The following PRKACB variants were observed in gnomAD, a reference collection of about 807,000 sequenced individuals.
PRKACB encodes cAMP-dependent protein kinase catalytic subunit beta.
Under a neutral mutation model 51.4 loss-of-function variants are expected in PRKACB, and 16 were observed. That is an observed-to-expected ratio of 0.31 (90% CI 0.21 to 0.47). The LOEUF (loss-of-function observed/expected upper bound fraction) is 0.47. Among genes scored for constraint, PRKACB ranks in the 20% least tolerant of loss-of-function variants. PRKACB has a pLI of 1.00. For synonymous variants in PRKACB, 147 were observed against 154.4 expected (o/e 0.95, Z 0.35); for missense variants, 309 against 464.5 (o/e 0.67, Z 3.08).
Position 84,106,221 on chromosome 1 carries a change from G to A in PRKACB, c.46+27850G>A, listed in dbSNP as rs78121984. Among the ~76,000 whole-genome samples, 245 of 152,070 alleles carry A rather than the reference G, an allele frequency of 1.6e-3. 1 individual carries two copies. The highest frequency in any genetic ancestry group is 5.5e-3 in the African/African-American group (229 of 41,484). ...ATCCTGTTTAAAAGTATATGGGTGAGTTTCCTCCTAGTCAACATAGTGTTG... is the reference window on the plus strand; with the variant it reads ...ATCCTGTTTAAAAGTATATGGGTGAATTTCCTCCTAGTCAACATAGTGTTG... On this transcript the variant is annotated intron_variant, in intron 1 of 8. Coordinates refer to the PRKACB transcript ENST00000370688.
chr1:84,175,157 A>G, intron 1 of PRKACB: 1 of 1,085,490 alleles, frequency 9.2e-7, no homozygotes. Flanking sequence ...ATTTTTAAGT[A>G]TATCAAGTTA....
At chr1:84,234,223 CTCAGGGG>C (rs1168694322) in intron 9 of PRKACB, among the ~76,000 whole-genome samples, 1 of 152,232 alleles carries the variant, frequency 6.6e-6, no homozygotes, top group African/African-American at 2.4e-5. Flanking sequence ...AGTTAGGCTG[CTCAGGGG>C]TCAGGGGTCA....
At chr1:84,119,932 T>C (rs1184328774) in intron 1 of PRKACB, among the ~76,000 whole-genome samples, 3 of 152,100 alleles carry the variant, frequency 2.0e-5, no homozygotes, top group South Asian at 2.1e-4. Flanking sequence ...ATTGGAATAC[T>C]GAAGTCTTCT....
In PRKACB at chr1:84,106,899, A is replaced by G. The variant is rs183955152; in HGVS notation, c.46+28528A>G. Among the ~76,000 whole-genome samples the G allele has an allele frequency of 5.9e-5, 9 of 152,314 alleles. No individual in the cohort carries two copies. The East Asian group carries it at 1.7e-3, about 29-fold the overall frequency. ...CCAAAACAGCATAGTACTGGTATAA[A>G]AACAGACACATGGACCAATGGAACA... On this transcript the variant is annotated intron_variant, in intron 1 of 8. Coordinates refer to the PRKACB transcript ENST00000370688.
upstream of PRKACB, among the ~76,000 whole-genome samples, chr1:84,140,134 G>C (rs1653260193): frequency 6.6e-6 from 1 of 152,182 alleles, no homozygotes; most frequent in Non-Finnish European, 1.5e-5. Context: ...TGGTAATCAA[G>C]ACAGTATAGT....
intron 1 of PRKACB, among the ~76,000 whole-genome samples, chr1:84,174,316 T>G (rs1327392227): frequency 6.6e-6 from 1 of 151,878 alleles, no homozygotes; most frequent in Non-Finnish European, 1.5e-5. Context: ...AGAGGAATTC[T>G]TATCTTTCAA....
intron 7 of PRKACB, among the ~76,000 whole-genome samples, chr1:84,202,031 A>G (rs1188840272): frequency 2.0e-5 from 3 of 151,986 alleles, no homozygotes; most frequent in Admixed American, 1.3e-4. Context: ...CTGTGAATTC[A>G]TTTTTTTCCT....
intron 1 of PRKACB, among the ~76,000 whole-genome samples, chr1:84,106,486 G>A (rs1458362267): frequency 2.6e-5 from 4 of 152,054 alleles, no homozygotes; most frequent in Non-Finnish European, 5.9e-5. Flanking sequence ...AGCCGAATCA[G>A]GAATATAATC....
chr1:84,232,099 C>T (rs868565142), intron 9 of PRKACB, among the ~76,000 whole-genome samples: 31 of 151,978 alleles, frequency 2.0e-4, no homozygotes, highest in Middle Eastern at 6.8e-3. Context: ...TGAATGTGTC[C>T]CAGAGATTCT....
Position 84,095,350 on chromosome 1 carries a change from A to G in PRKACB, c.46+16979A>G, listed in dbSNP as rs577566890. 2.0e-4 allele frequency among the ~76,000 whole-genome samples: 30 copies of G among 150,598 alleles called. No homozygotes were observed. In the South Asian group the frequency reaches 4.2e-3, roughly 21 times the overall value. ...AGGTGTCCTAGTGATGAATTATGTC[A>G]GTTTTTATTTATCTGGATTTGTGTA... On this transcript the variant is annotated intron_variant, in intron 1 of 8. Coordinates refer to the PRKACB transcript ENST00000370688.
chr1:84,139,410 G>A (rs1325916504), upstream of PRKACB, among the ~76,000 whole-genome samples: 1 of 152,144 alleles, frequency 6.6e-6, no homozygotes, highest in African/African-American at 2.4e-5. Context: ...GCCATTGAAA[G>A]TAATGGTGAA....
At position 84,197,830 on chromosome 1, in the gene PRKACB, T is replaced by C; in HGVS notation, c.783+6T>C. On this transcript the variant is annotated splice_donor_region_variant and intron_variant, in intron 7 of 9. Transcript: ENST00000370685. ...CAGAAATAATTCTCAGCAAGGTATATTCATAATATCAACACATAAGAAGTA... is the reference window on the plus strand; with the variant it reads ...CAGAAATAATTCTCAGCAAGGTATACTCATAATATCAACACATAAGAAGTA... The C allele has an allele frequency of 3.2e-6, 5 of 1,575,500 alleles. No individual in the cohort carries two copies. Among genetic ancestry groups the C allele is most frequent in the Non-Finnish European group, 4.4e-6 (5 of 1,146,902 alleles).
chr1:84,109,117 T>C (rs1252687182), intron 1 of PRKACB, among the ~76,000 whole-genome samples: 1 of 152,008 alleles, frequency 6.6e-6, no homozygotes, highest in Admixed American at 6.6e-5. Context: ...AATGTTCCAT[T>C]GTGTGAATAT....
At chr1:84,215,913 T>G (rs1185090766) in intron 9 of PRKACB, among the ~76,000 whole-genome samples, 2 of 152,168 alleles carry the variant, frequency 1.3e-5, no homozygotes, top group Admixed American at 6.5e-5. Context: ...TTCTAATGTT[T>G]TAGAGACATG....
chr1:84,086,293 TC>T (rs1490008261), intron 1 of PRKACB: 6 of 1,062,726 alleles, frequency 5.6e-6, no homozygotes. Context: ...ACTTGGCCCT[TC>T]CTGCTGCCTC....
chr1:84,222,984 T>C (rs1673969130), intron 9 of PRKACB, among the ~76,000 whole-genome samples: 1 of 152,192 alleles, frequency 6.6e-6, no homozygotes, highest in Non-Finnish European at 1.5e-5. Flanking sequence ...GTAAAGTGTG[T>C]CTTGGAAAAG....
chr1:84,117,326 A>C (rs538348581), intron 1 of PRKACB, among the ~76,000 whole-genome samples: 2 of 152,218 alleles, frequency 1.3e-5, no homozygotes, highest in Admixed American at 1.3e-4. Flanking sequence ...AGAATGAGTT[A>C]GGGAGAATTC....
Position 84,127,747 on chromosome 1 carries a change from A to G in PRKACB, c.46+49376A>G, listed in dbSNP as rs548722229. 1.2e-4 allele frequency among the ~76,000 whole-genome samples: 18 copies of G among 152,124 alleles called. No individual in the cohort carries two copies. The East Asian group carries it at 3.1e-3, about 26-fold the overall frequency. ...ATTTTGCTAACACATTCAATTGACTATATTTACTGTTTTCCTAACTTGATT... is the reference window on the plus strand; with the variant it reads ...ATTTTGCTAACACATTCAATTGACTGTATTTACTGTTTTCCTAACTTGATT... On this transcript the variant is annotated intron_variant, in intron 1 of 8. Coordinates refer to the PRKACB transcript ENST00000370688.
At chr1:84,115,297 C>A (rs894796486) in intron 1 of PRKACB, among the ~76,000 whole-genome samples, 4 of 151,746 alleles carry the variant, frequency 2.6e-5, no homozygotes, top group African/African-American at 9.7e-5. Context: ...TGATGTTGAG[C>A]ATTTTTCATA....
Sources: gnomAD v4.1 joint callset for allele counts (sites outside exome capture counted in the v4.1 genomes callset) on GRCh38, gnomAD v4.1.1 for gene constraint, MANE v1.5 for transcripts, NCBI Gene and HGNC (gene_info 2026-07-23, HGNC 2026-07-21) for gene names.